The following ABCA12 variants were observed in gnomAD, a reference collection of about 807,000 sequenced individuals.
ABCA12 encodes glucosylceramide transporter ABCA12.
A neutral mutation model predicts 293.5 loss-of-function variants in ABCA12; 156 were observed. That is an observed-to-expected ratio of 0.53 (90% confidence interval 0.47 to 0.61). The LOEUF (loss-of-function observed/expected upper bound fraction) is 0.61, where lower values mean the gene tolerates loss of function less well. ABCA12 is among the 20% of genes least tolerant of loss of function. ABCA12 has a pLI of 0.00. For synonymous variants in ABCA12, 1,063 were observed against 1,108.0 expected, an observed-to-expected ratio of 0.96 and a Z score of 0.81; for missense variants, 2,797 against 3,090.2, an observed-to-expected ratio of 0.91 and a Z score of 2.25.
intron 3 of ABCA12, among the ~76,000 whole-genome samples, chr2:215,056,610 A>T (rs1372900263): frequency 4.6e-5 from 7 of 152,160 alleles, no homozygotes; most frequent in African/African-American, 1.7e-4. Context: ...TGCATTGACA[A>T]GGTGTGGTGT....
At chr2:214,996,720 C>T (rs1700040964) in intron 23 of ABCA12, among the ~76,000 whole-genome samples, 1 of 152,146 alleles carries the variant, frequency 6.6e-6, no homozygotes, top group African/African-American at 2.4e-5. Context: ...ACGGGGACAA[C>T]CCTGAAAGCC....
At chr2:215,048,634 C>T (rs917822795) in intron 6 of ABCA12, among the ~76,000 whole-genome samples, 12 of 151,972 alleles carry the variant, frequency 7.9e-5, no homozygotes, top group South Asian at 2.1e-4. Context: ...ACCCAGGAGG[C>T]GGAGGTTTCA....
At chr2:215,001,516 T>C (rs1242926510) in intron 21 of ABCA12, 42 bp downstream of exon 21, 1 of 1,612,592 alleles carries the variant, frequency 6.2e-7, no homozygotes, top group Non-Finnish European at 8.5e-7. Context: ...TGGCCAATTT[T>C]AGCACAAAGA....
Position 214,982,343 on chromosome 2 carries a change from TC to T in ABCA12, c.4422del (p.Arg1475GlufsTer9). The T allele has an allele frequency of 6.2e-7, 1 of 1,614,104 alleles. No individual in the cohort carries two copies. The highest frequency in any genetic ancestry group is 8.5e-7 in the Non-Finnish European group (1 of 1,179,980). On this transcript the variant is annotated frameshift_variant, in exon 30 of 53. Coordinates refer to ENST00000272895, the MANE Select transcript of ABCA12 (RefSeq NM_173076.3). LOFTEE classifies it high-confidence loss of function. ...ATGCCTCCTGACAGTGTTCCAACTC[TC>T]TTATGACGATGGCTATATAGTCCAG... The part of the protein sequence containing the change: ...KDTGLYSHRH[K>X]RVGTLSGGMK...
intron 2 of ABCA12, among the ~76,000 whole-genome samples, chr2:215,083,612 T>C (rs1174642746): frequency 6.6e-6 from 1 of 152,160 alleles, no homozygotes; most frequent in Non-Finnish European, 1.5e-5. Context: ...GTAAGACGGA[T>C]TTTCATTGTT....
chr2:215,103,263 C>CTTTTTTTTTTTTT (rs1158377505), intron 2 of ABCA12, among the ~76,000 whole-genome samples: 1 of 81,382 alleles, frequency 1.2e-5, no homozygotes, highest in Non-Finnish European at 2.7e-5. Flanking sequence ...CTTAAAATTT[C>CTTTTTTTTTTTTT]TTTCTTTTTT....
At chr2:215,124,589 ATTTG>A (rs1187194508) in intron 1 of ABCA12, among the ~76,000 whole-genome samples, 1 of 151,864 alleles carries the variant, frequency 6.6e-6, no homozygotes, top group Non-Finnish European at 1.5e-5. Flanking sequence ...TTTGTTGGCC[ATTTG>A]TATATCTTCT....
chr2:215,028,028 A>T (rs1003798635), intron 9 of ABCA12, among the ~76,000 whole-genome samples: 1 of 152,174 alleles, frequency 6.6e-6, no homozygotes, highest in African/African-American at 2.4e-5. Flanking sequence ...CTACATCTCT[A>T]TTTATTTTGT....
chr2:215,104,307 T>C (rs1318424047), intron 2 of ABCA12, among the ~76,000 whole-genome samples: 1 of 152,200 alleles, frequency 6.6e-6, no homozygotes, highest in Non-Finnish European at 1.5e-5. Context: ...CAGAGATATT[T>C]CCTATTCTCT....
intron 49 of ABCA12, among the ~76,000 whole-genome samples, chr2:214,944,555 T>C (rs1352452204): frequency 1.3e-5 from 2 of 152,016 alleles, no homozygotes; most frequent in Non-Finnish European, 2.9e-5. Context: ...GGAGAGGGTG[T>C]TGCAGGGGAA....
At chr2:215,124,086 A>C (rs1422854894) in intron 1 of ABCA12, among the ~76,000 whole-genome samples, 1 of 152,208 alleles carries the variant, frequency 6.6e-6, no homozygotes, top group African/African-American at 2.4e-5. Context: ...AGGTCACTGC[A>C]AATGCTGTTA....
At chr2:215,037,563 C>A (rs963063351) in intron 7 of ABCA12, among the ~76,000 whole-genome samples, 2 of 151,766 alleles carry the variant, frequency 1.3e-5, no homozygotes, top group African/African-American at 4.8e-5. Context: ...TGGAGCTTGC[C>A]CTAATTAAAG....
chr2:215,007,647 T>G, intron 19 of ABCA12, 80 bp downstream of exon 19: 2 of 1,563,924 alleles, frequency 1.3e-6, no homozygotes. Flanking sequence ...GTTACCCCCT[T>G]CCCGTTCACA....
chr2:215,012,403 G>A (rs1359797818), intron 15 of ABCA12, among the ~76,000 whole-genome samples: 1 of 152,166 alleles, frequency 6.6e-6, no homozygotes, highest in Non-Finnish European at 1.5e-5. Flanking sequence ...CAATCCAGGT[G>A]AGTGGACAAA....
chr2:215,117,698 C>T (rs1702714871), intron 1 of ABCA12, among the ~76,000 whole-genome samples: 1 of 152,060 alleles, frequency 6.6e-6, no homozygotes, highest in Non-Finnish European at 1.5e-5. Flanking sequence ...TATTTTCTTA[C>T]CATTTTCACT....
chr2:215,061,432 G>C (rs2106070044), intron 3 of ABCA12, among the ~76,000 whole-genome samples: 1 of 152,102 alleles, frequency 6.6e-6, no homozygotes, highest in Admixed American at 6.5e-5. Flanking sequence ...ACCAAAGGTG[G>C]CATTTTTCCC....
At chr2:214,949,553 G>A (rs944068453) in intron 45 of ABCA12, among the ~76,000 whole-genome samples, 1 of 152,004 alleles carries the variant, frequency 6.6e-6, no homozygotes, top group African/African-American at 2.4e-5. Context: ...ATAAACTATC[G>A]CGGCAATAGT....
rs1441725016 is a variant in ABCA12, at chr2:214,944,535, T to TTGAC, written c.7343+462_7343+465dup. ...CAGAACCAGGAAGGAGTCATCCAGA[T>TTGAC]TGACTGATAGGAGAGGGTGTTGCAG... On this transcript the variant is annotated intron_variant, in intron 49 of 52. Transcript: ENST00000272895. Among the ~76,000 whole-genome samples, 10 of 152,060 alleles carry TTGAC rather than the reference T, an allele frequency of 6.6e-5. No homozygotes were observed. The Middle Eastern group carries it at 0.034, about 521-fold the overall frequency.
At chr2:215,050,183 C>A (rs1339680406) in intron 5 of ABCA12, among the ~76,000 whole-genome samples, 4 of 152,144 alleles carry the variant, frequency 2.6e-5, no homozygotes, top group Non-Finnish European at 4.4e-5. Flanking sequence ...GGTGTCCTAA[C>A]TCTTCATGGC....
Sources: allele counts gnomAD v4.1 joint callset (sites outside exome capture counted in the v4.1 genomes callset), GRCh38; gene constraint gnomAD v4.1.1; transcripts MANE v1.5; gene names NCBI Gene and HGNC (gene_info 2026-07-23, HGNC 2026-07-21).